Variants in SLC22A15 observed in about 807,000 individuals in gnomAD.
The protein encoded by SLC22A15 is flipt 1.
SLC22A15 carries 45 observed loss-of-function variants against 62.7 expected under a neutral mutation model. That is an observed-to-expected ratio of 0.72 (90% CI 0.56 to 0.92). The LOEUF is 0.92. Ranked by LOEUF, SLC22A15 falls within the 40% of genes least tolerant of loss-of-function variation. The pLI, the probability that SLC22A15 is intolerant of heterozygous loss-of-function variation, is 0.00. For missense variants in SLC22A15, 622 were observed against 665.6 expected (o/e 0.93, Z 0.72); for synonymous variants, 264 against 267.0 (o/e 0.99, Z 0.11).
chr1:115,999,203 A>T (rs577556571), intron 2 of SLC22A15, among the ~76,000 whole-genome samples: 1 of 152,224 alleles, frequency 6.6e-6, no homozygotes, highest in Non-Finnish European at 1.5e-5. Flanking sequence ...CATGTGGTCT[A>T]TCTTTCAGCA....
At chr1:115,980,768 T>C (rs1654573405) in intron 1 of SLC22A15, among the ~76,000 whole-genome samples, 1 of 152,140 alleles carries the variant, frequency 6.6e-6, no homozygotes, top group Non-Finnish European at 1.5e-5. Flanking sequence ...CAAAGGAGAT[T>C]GCATCTGTTA....
At chr1:115,986,234 G>A (rs1654858233) in intron 1 of SLC22A15, among the ~76,000 whole-genome samples, 1 of 151,912 alleles carries the variant, frequency 6.6e-6, no homozygotes, top group South Asian at 2.1e-4. Flanking sequence ...TATGCAAGGA[G>A]TTAGTTAAAA....
At chr1:116,035,126 A>G (rs17035158) in intron 6 of SLC22A15, 61 bp from the exon 7 acceptor site, 8 of 1,546,564 alleles carry the variant, frequency 5.2e-6, no homozygotes, top group South Asian at 1.2e-5. Flanking sequence ...GCAAATTCTT[A>G]TGTACTTTTC....
chr1:116,042,321 A>G (rs1250008546), intron 8 of SLC22A15, among the ~76,000 whole-genome samples: 1 of 151,910 alleles, frequency 6.6e-6, no homozygotes, highest in Non-Finnish European at 1.5e-5. Context: ...CAAAAGAAAG[A>G]AAAAGACACT....
At chr1:115,976,833 G>A (rs1654320549) in intron 1 of SLC22A15, 119 bp downstream of exon 1, 1 of 747,536 alleles carries the variant, frequency 1.3e-6, no homozygotes, top group Admixed American at 3.1e-5. Flanking sequence ...CAAACACCGA[G>A]GTGTGGCGAG....
At chr1:116,008,358 C>T (rs1045484895) in intron 2 of SLC22A15, among the ~76,000 whole-genome samples, 13 of 152,134 alleles carry the variant, frequency 8.5e-5, no homozygotes, top group Non-Finnish European at 4.4e-5. Context: ...CATTAGTTTA[C>T]ATAAATAACA....
intron 8 of SLC22A15, among the ~76,000 whole-genome samples, chr1:116,050,635 T>A (rs146297136): frequency 4.6e-5 from 7 of 152,256 alleles, no homozygotes; most frequent in African/African-American, 1.7e-4. Context: ...ACTGAAAAGT[T>A]GAAAGCATTC....
intron 8 of SLC22A15, among the ~76,000 whole-genome samples, chr1:116,049,317 G>A (rs1657997699): frequency 6.6e-6 from 1 of 152,066 alleles, no homozygotes; most frequent in Admixed American, 6.6e-5. Context: ...ACAGCACATG[G>A]AACTTTCTCC....
At chr1:115,978,057 A>G (rs1177652646) in intron 1 of SLC22A15, among the ~76,000 whole-genome samples, 1 of 152,228 alleles carries the variant, frequency 6.6e-6, no homozygotes, top group Admixed American at 6.5e-5. Flanking sequence ...AAATGATAAG[A>G]GTATTTAATA....
rs573889102 is a variant in SLC22A15 at position 116,011,318 on chromosome 1, G to A, written c.301-8264G>A. 3.9e-5 allele frequency among the ~76,000 whole-genome samples: 6 copies of A among 152,248 alleles called. No homozygotes were observed. The East Asian group carries it at 5.8e-4, about 15-fold the overall frequency. On this transcript the variant is annotated intron_variant, in intron 2 of 11. Transcript: ENST00000369503. ...AAAGATAAAATCAAGTATTCTAGCT[G>A]TCAGATTGGCTATAGGAAGAAGGAA...
chr1:115,987,405 C>A (rs1030518256), intron 1 of SLC22A15, among the ~76,000 whole-genome samples: 4 of 152,260 alleles, frequency 2.6e-5, no homozygotes, highest in Admixed American at 2.6e-4. Flanking sequence ...ACCTTGTGAT[C>A]TGCCTGCCTC....
intron 8 of SLC22A15, among the ~76,000 whole-genome samples, chr1:116,048,746 T>A (rs554458544): frequency 6.6e-6 from 1 of 152,286 alleles, no homozygotes; most frequent in South Asian, 2.1e-4. Context: ...GGGTACCTCA[T>A]GTCTCAATAC....
Position 116,043,857 on chromosome 1 carries a change from T to G in SLC22A15, c.1171+6469T>G, listed in dbSNP as rs150327940. Among the ~76,000 whole-genome samples the G allele has an allele frequency of 3.4e-3, 521 of 152,234 alleles. 1 individual carries two copies. The highest frequency in any genetic ancestry group is 6.2e-3 in the Non-Finnish European group (420 of 68,002). ...GTCAATAAATTCAACTTAGGTAAAA[T>G]GGGCAAATTTCTTGAAAGATTATAA... On this transcript the variant is annotated intron_variant, in intron 8 of 11. Transcript: ENST00000369503.
intron 2 of SLC22A15, among the ~76,000 whole-genome samples, chr1:116,004,550 GCTT>G (rs1557880947): frequency 6.6e-6 from 1 of 152,112 alleles, no homozygotes; most frequent in Non-Finnish European, 1.5e-5. Flanking sequence ...TTGGGTACAT[GCTT>G]CTTTTTATAT....
chr1:116,013,186 G>T (rs920999190), intron 2 of SLC22A15, among the ~76,000 whole-genome samples: 10 of 152,058 alleles, frequency 6.6e-5, no homozygotes, highest in African/African-American at 2.2e-4. Context: ...AAGTCGAGGG[G>T]CATCTATATT....
intron 8 of SLC22A15, among the ~76,000 whole-genome samples, chr1:116,056,593 G>T (rs1570772760): frequency 6.6e-6 from 1 of 151,304 alleles, no homozygotes; most frequent in Admixed American, 6.6e-5. Flanking sequence ...AGCCCACATC[G>T]CCAAGTCAAT....
intron 8 of SLC22A15, among the ~76,000 whole-genome samples, chr1:116,054,543 G>C (rs556823999): frequency 6.6e-6 from 1 of 152,224 alleles, no homozygotes; most frequent in Admixed American, 6.5e-5. Flanking sequence ...ACTCAGCTCT[G>C]CACCAAGCTG....
chr1:116,052,842 G>C (rs1299903945), intron 8 of SLC22A15, among the ~76,000 whole-genome samples: 1 of 152,126 alleles, frequency 6.6e-6, no homozygotes, highest in Admixed American at 6.5e-5. Flanking sequence ...CTGCAGCTGA[G>C]GGTCCTGTCT....
rs912061647 is a variant in SLC22A15, at chr1:115,976,769, G to A, written c.87+55G>A. The A allele has an allele frequency of 3.6e-6, 5 of 1,391,854 alleles. No homozygotes were observed. In the Admixed American group the frequency reaches 7.4e-5, roughly 21 times the overall value. The allele number at this position is 1,391,854 out of a possible 1,614,324, so 86.2% of individuals were successfully genotyped here. A position where few individuals can be genotyped will look rare whatever the true frequency, so the allele number is the denominator to read the frequency against. On this transcript the variant is annotated intron_variant, in intron 1 of 11. Coordinates refer to ENST00000369503, the MANE Select transcript of SLC22A15 (RefSeq NM_018420.3). ...TCCCTCTTCAGGGCCGCCCGGCGCAGGGCTAGGCGTCCGCTCCCAGACCGC... is the reference window on the plus strand; with the variant it reads ...TCCCTCTTCAGGGCCGCCCGGCGCAAGGCTAGGCGTCCGCTCCCAGACCGC...
Sources: gnomAD v4.1 joint callset for allele counts (sites outside exome capture counted in the v4.1 genomes callset) on GRCh38, gnomAD v4.1.1 for gene constraint, MANE v1.5 for transcripts, NCBI Gene and HGNC (gene_info 2026-07-23, HGNC 2026-07-21) for gene names.